Variants in ADAMTSL1 observed in about 807,000 individuals in gnomAD.
The protein encoded by ADAMTSL1 is ADAMTS like 1.
Under a neutral mutation model 201.8 loss-of-function variants are expected in ADAMTSL1, and 126 were observed. That is an observed-to-expected ratio of 0.62 (90% CI 0.54 to 0.72). The LOEUF is 0.72. Among genes scored for constraint, ADAMTSL1 ranks in the 30% least tolerant of loss-of-function variants. The pLI, the probability that ADAMTSL1 is intolerant of heterozygous loss-of-function variation, is 0.00. For synonymous variants in ADAMTSL1, 1,121 were observed against 903.4 expected (o/e 1.24, Z -4.32); for missense variants, 2,679 against 2,277.8 (o/e 1.18, Z -3.59).
rs375831776 is a variant in ADAMTSL1 at position 18,562,272 on chromosome 9, C to T, written c.238-11758C>T. On this transcript the variant is annotated intron_variant, in intron 3 of 28. Transcript: ENST00000380548. ...TCTGTAAAGGATTTTATTTCTCCTT[C>T]ACTTATGAAGCTTAGTTTGGCTGGA... Among the ~76,000 whole-genome samples, 28 of 152,270 alleles carry T rather than the reference C, an allele frequency of 1.8e-4. No homozygotes were observed. In the East Asian group the frequency reaches 5.4e-3, roughly 29 times the overall value.
At chr9:18,630,320 T>C (rs952147109) in intron 5 of ADAMTSL1, among the ~76,000 whole-genome samples, 9 of 152,230 alleles carry the variant, frequency 5.9e-5, no homozygotes, top group Non-Finnish European at 8.8e-5. Context: ...GAGCACCGTG[T>C]ACTCTTCTCT....
At chr9:18,670,874 C>G (rs368217657) in intron 9 of ADAMTSL1, among the ~76,000 whole-genome samples, 1 of 152,166 alleles carries the variant, frequency 6.6e-6, no homozygotes, top group East Asian at 1.9e-4. Flanking sequence ...ACCCCACCCC[C>G]ACCTCCACAG....
chr9:18,827,096 G>A (rs1207944537), intron 22 of ADAMTSL1, among the ~76,000 whole-genome samples: 2 of 151,010 alleles, frequency 1.3e-5, no homozygotes, highest in Non-Finnish European at 2.9e-5. Flanking sequence ...AACCGTTTTT[G>A]CCCCCTGGAC....
At chr9:18,214,837 A>G (rs2132331517) in intron 2 of ADAMTSL1, among the ~76,000 whole-genome samples, 1 of 152,314 alleles carries the variant, frequency 6.6e-6, no homozygotes, top group Admixed American at 6.5e-5. Context: ...CTTTCCAATA[A>G]ATGTCATGCA....
At chr9:17,946,331 G>C (rs190568795) in intron 1 of ADAMTSL1, among the ~76,000 whole-genome samples, 1 of 151,816 alleles carries the variant, frequency 6.6e-6, no homozygotes, top group Non-Finnish European at 1.5e-5. Context: ...AACATATTTC[G>C]TCAATTGGTA....
intron 20 of ADAMTSL1, among the ~76,000 whole-genome samples, chr9:18,800,548 A>G (rs1306426432): frequency 8.5e-5 from 13 of 152,184 alleles, no homozygotes; most frequent in Non-Finnish European, 1.5e-5. Flanking sequence ...GTACAGATGT[A>G]GAGAATGCCC....
intron 2 of ADAMTSL1, among the ~76,000 whole-genome samples, chr9:18,266,163 T>C (rs1321978426): frequency 6.6e-6 from 1 of 152,230 alleles, no homozygotes; most frequent in African/African-American, 2.4e-5. Context: ...GCTCCAATTA[T>C]ACACTTCTCA....
At chr9:18,226,498 G>T (rs1587351995) in intron 2 of ADAMTSL1, among the ~76,000 whole-genome samples, 2 of 151,962 alleles carry the variant, frequency 1.3e-5, no homozygotes, top group East Asian at 3.9e-4. Context: ...ATCTTTCCTG[G>T]GTGGTTACAG....
chr9:18,787,985 G>T (rs1253890776), intron 19 of ADAMTSL1, among the ~76,000 whole-genome samples: 1 of 152,292 alleles, frequency 6.6e-6, no homozygotes, highest in East Asian at 1.9e-4. Context: ...AAGAAGACCA[G>T]GGTTAAGAAT....
At chr9:17,968,216 C>G (rs56263104) in intron 1 of ADAMTSL1, among the ~76,000 whole-genome samples, 8 of 152,064 alleles carry the variant, frequency 5.3e-5, no homozygotes, top group African/African-American at 1.9e-4. Flanking sequence ...TCTCATGATG[C>G]AATACGTATT....
At chr9:18,239,187 T>A (rs1468934213) in intron 2 of ADAMTSL1, among the ~76,000 whole-genome samples, 1 of 152,042 alleles carries the variant, frequency 6.6e-6, no homozygotes, top group Non-Finnish European at 1.5e-5. Context: ...AAGGGTAGGG[T>A]AGCTGTAATA....
intron 16 of ADAMTSL1, among the ~76,000 whole-genome samples, chr9:18,764,035 G>A (rs1820226101): frequency 6.6e-6 from 1 of 152,120 alleles, no homozygotes; most frequent in Admixed American, 6.6e-5. Flanking sequence ...TGTGAAGAAT[G>A]CTTTTGACAT....
chr9:18,650,688 C>T (rs772332097), intron 7 of ADAMTSL1, among the ~76,000 whole-genome samples: 1 of 152,202 alleles, frequency 6.6e-6, no homozygotes, highest in Non-Finnish European at 1.5e-5. Flanking sequence ...ATATCCTTCT[C>T]TTGCCACCTT....
chr9:18,372,375 A>G (rs1383756570), intron 2 of ADAMTSL1, among the ~76,000 whole-genome samples: 1 of 152,212 alleles, frequency 6.6e-6, no homozygotes, highest in East Asian at 1.9e-4. Context: ...TAATGGGAAC[A>G]GCACTTTGCA....
chr9:18,891,059 CA>C (rs1283905803), intron 25 of ADAMTSL1, among the ~76,000 whole-genome samples: 1 of 152,226 alleles, frequency 6.6e-6, no homozygotes, highest in East Asian at 1.9e-4. Flanking sequence ...CATCCCTCCA[CA>C]AGGCAAAAGA....
intron 13 of ADAMTSL1, among the ~76,000 whole-genome samples, chr9:18,687,186 C>T (rs1016909319): frequency 6.6e-6 from 1 of 152,150 alleles, no homozygotes; most frequent in Non-Finnish European, 1.5e-5. Flanking sequence ...TTTTAATACA[C>T]TTTATGTGTT....
chr9:18,680,638 C>G, intron 11 of ADAMTSL1, 122 bp downstream of exon 11: 1 of 1,045,494 alleles, frequency 9.6e-7, no homozygotes, highest in South Asian at 1.5e-5. Context: ...AGAAGCCTAC[C>G]AGCTTAGCTC....
intron 19 of ADAMTSL1, among the ~76,000 whole-genome samples, chr9:18,786,814 T>C (rs12379407): frequency 0.15 from 23,559 of 152,196 alleles, 2,450 homozygotes; most frequent in East Asian, 0.31. Flanking sequence ...CATTCTTTGC[T>C]ATCATCTCTG....
intron 1 of ADAMTSL1, among the ~76,000 whole-genome samples, chr9:18,499,139 C>G (rs1343037140): frequency 1.3e-5 from 2 of 152,260 alleles, no homozygotes; most frequent in Admixed American, 1.3e-4. Flanking sequence ...AAAGACCATG[C>G]ACTGTGTCAC....
Sources: gnomAD v4.1 joint callset for allele counts (sites outside exome capture counted in the v4.1 genomes callset) on GRCh38, gnomAD v4.1.1 for gene constraint, MANE v1.5 for transcripts, NCBI Gene and HGNC (gene_info 2026-07-23, HGNC 2026-07-21) for gene names.